GRIP1: variants seen among roughly 807,000 people sequenced by gnomAD.
GRIP1 encodes glutamate receptor interacting protein 1.
In GRIP1, 45 loss-of-function variants were observed where a neutral mutation model predicts 129.9. The observed-to-expected ratio is 0.35, with a 90% CI of 0.27 to 0.44. The LOEUF (loss-of-function observed/expected upper bound fraction) is 0.44. Ranked by LOEUF, GRIP1 falls within the 20% of genes least tolerant of loss-of-function variation. The pLI is 1.00. For synonymous variants in GRIP1, 530 were observed against 520.8 expected (o/e 1.02, Z -0.24); for missense variants, 1,196 against 1,396.8 (o/e 0.86, Z 2.29).
intron 1 of GRIP1, among the ~76,000 whole-genome samples, chr12:66,886,409 T>C (rs527766921): frequency 6.4e-4 from 98 of 152,340 alleles, no homozygotes; most frequent in Non-Finnish European, 1.3e-3. Context: ...AATGATCTCA[T>C]ATCTTGGAAT....
rs183054288 is a variant in GRIP1 at position 66,742,957 on chromosome 12, C to T, written c.-420+61096G>A. On this transcript the variant is annotated intron_variant, in intron 1 of 4. Coordinates refer to the GRIP1 transcript ENST00000538373. ...AGTACATACCTCTCTGTCATAAGAA[C>T]AGGTAGCATTTAGAAAATGAAACTT... Among the ~76,000 whole-genome samples, 161 of 152,166 alleles carry T rather than the reference C, an allele frequency of 1.1e-3. 1 individual carries two copies. The highest frequency in any genetic ancestry group is 3.5e-3 in the African/African-American group (145 of 41,518).
intron 7 of GRIP1, among the ~76,000 whole-genome samples, chr12:66,496,789 G>A (rs2060249827): frequency 6.6e-6 from 1 of 151,960 alleles, no homozygotes; most frequent in East Asian, 1.9e-4. Flanking sequence ...TGCAGCTGGA[G>A]GAAATGCTTC....
At chr12:66,423,227 C>T (rs571938492) in intron 14 of GRIP1, among the ~76,000 whole-genome samples, 1 of 152,316 alleles carries the variant, frequency 6.6e-6, no homozygotes, top group Admixed American at 6.5e-5. Flanking sequence ...TACTCAGGTG[C>T]CTTAGTTTCC....
At chr12:66,780,892 T>C (rs2038137174) in intron 1 of GRIP1, among the ~76,000 whole-genome samples, 1 of 152,136 alleles carries the variant, frequency 6.6e-6, no homozygotes, top group Non-Finnish European at 1.5e-5. Flanking sequence ...TCAACTAGAA[T>C]ACCTGCATGT....
At chr12:66,805,289 A>T (rs558455365), upstream of GRIP1, among the ~76,000 whole-genome samples, 1 of 152,338 alleles carries the variant, frequency 6.6e-6, no homozygotes, top group Non-Finnish European at 1.5e-5. Flanking sequence ...CACAAGCTTT[A>T]AAAAATTATT....
At chr12:66,724,839 T>C (rs1298243201) in intron 1 of GRIP1, among the ~76,000 whole-genome samples, 1 of 152,186 alleles carries the variant, frequency 6.6e-6, no homozygotes, top group African/African-American at 2.4e-5. Context: ...TAACCCGATG[T>C]CAGACATGCT....
chr12:66,990,248 G>C (rs1326889741), intron 1 of GRIP1, among the ~76,000 whole-genome samples: 1 of 152,062 alleles, frequency 6.6e-6, no homozygotes, highest in South Asian at 2.1e-4. Context: ...TTTTTAAATG[G>C]TATCTGCTTG....
intron 7 of GRIP1, among the ~76,000 whole-genome samples, chr12:66,489,525 AGCT>A (rs1415406580): frequency 6.6e-6 from 1 of 152,186 alleles, no homozygotes; most frequent in African/African-American, 2.4e-5. Flanking sequence ...AATGGGCAAA[AGCT>A]GGAAGCATTC....
intron 1 of GRIP1, among the ~76,000 whole-genome samples, chr12:67,040,810 T>C (rs377672022): frequency 6.6e-6 from 1 of 152,178 alleles, no homozygotes; most frequent in African/African-American, 2.4e-5. Flanking sequence ...CTGAGTCAAT[T>C]TGGCTGGACC....
intron 2 of GRIP1, among the ~76,000 whole-genome samples, chr12:66,561,375 G>A (rs1172143402): frequency 2.0e-5 from 3 of 151,988 alleles, no homozygotes; most frequent in Admixed American, 2.0e-4. Flanking sequence ...TGAGGTGATG[G>A]ATACCCCATT....
chr12:66,939,880 T>A (rs1300302165), intron 1 of GRIP1, among the ~76,000 whole-genome samples: 1 of 152,142 alleles, frequency 6.6e-6, no homozygotes, highest in African/African-American at 2.4e-5. Context: ...TAAAACAAAA[T>A]GTGCATATGA....
chr12:66,861,938 T>C (rs1236384945), intron 1 of GRIP1, among the ~76,000 whole-genome samples: 2 of 152,102 alleles, frequency 1.3e-5, no homozygotes, highest in Non-Finnish European at 2.9e-5. Context: ...AACTTGGAAA[T>C]GATTTAACAA....
intron 1 of GRIP1, among the ~76,000 whole-genome samples, chr12:66,599,157 C>A (rs1388302705): frequency 6.6e-6 from 1 of 152,222 alleles, no homozygotes; most frequent in East Asian, 1.9e-4. Flanking sequence ...CCAACCTCCA[C>A]TCCTGCTCCC....
intron 1 of GRIP1, among the ~76,000 whole-genome samples, chr12:66,827,627 C>T (rs1377738764): frequency 6.6e-6 from 1 of 152,194 alleles, no homozygotes; most frequent in East Asian, 1.9e-4. Context: ...ATGCAGGCCA[C>T]CTTAAGAGTC....
intron 5 of GRIP1, among the ~76,000 whole-genome samples, chr12:66,524,207 C>G (rs1164872542): frequency 2.0e-5 from 3 of 152,156 alleles, no homozygotes; most frequent in South Asian, 2.1e-4. Flanking sequence ...CTCTCCACCC[C>G]AAATCAACAG....
rs532500091 is a variant in GRIP1, at chr12:67,028,673, A to G, written c.58+40377T>C. Among the ~76,000 whole-genome samples, 9 of 152,200 alleles carry G rather than the reference A, an allele frequency of 5.9e-5. 1 individual carries two copies. The South Asian group carries it at 1.7e-3, about 28-fold the overall frequency. On this transcript the variant is annotated intron_variant, in intron 1 of 1. Transcript: ENST00000643019. Reference sequence around the variant, plus strand: ...TGTGATTCCCTCCTCCTTTTTCTCTATGTTTTTCGTGGCAATGATTTAAGA... The same window carrying G: ...TGTGATTCCCTCCTCCTTTTTCTCTGTGTTTTTCGTGGCAATGATTTAAGA...
intron 1 of GRIP1, among the ~76,000 whole-genome samples, chr12:66,703,905 G>A (rs1046252726): frequency 6.6e-6 from 1 of 151,958 alleles, no homozygotes; most frequent in Non-Finnish European, 1.5e-5. Flanking sequence ...CACTGTGACT[G>A]TAACAGATGT....
At chr12:66,512,269 G>A (rs2060721384) in intron 7 of GRIP1, among the ~76,000 whole-genome samples, 1 of 152,142 alleles carries the variant, frequency 6.6e-6, no homozygotes, top group African/African-American at 2.4e-5. Context: ...ATGTGGAAGT[G>A]ACTTTGGAAC....
chr12:66,558,142 T>C (rs2062397650), intron 2 of GRIP1, among the ~76,000 whole-genome samples: 1 of 152,174 alleles, frequency 6.6e-6, no homozygotes, highest in African/African-American at 2.4e-5. Flanking sequence ...CAGCTGATAC[T>C]ACAGAAACTC....
Sources: gnomAD v4.1 joint callset for allele counts (sites outside exome capture counted in the v4.1 genomes callset) on GRCh38, gnomAD v4.1.1 for gene constraint, MANE v1.5 for transcripts, NCBI Gene and HGNC (gene_info 2026-07-23, HGNC 2026-07-21) for gene names.